The following COL28A1 variants were observed in gnomAD, a reference collection of about 807,000 sequenced individuals.
The protein encoded by COL28A1 is collagen type XXVIII alpha 1 chain, also known as collagen alpha-1(XXVIII) chain.
Under a neutral mutation model 150.2 loss-of-function variants are expected in COL28A1, and 161 were observed. The ratio of observed to expected loss-of-function variants is 1.07; its 90% CI spans 0.94 to 1.22. The LOEUF is 1.22. Among genes scored for constraint, COL28A1 ranks in the 50% most tolerant of loss-of-function variants. The pLI is 0.00. For synonymous variants in COL28A1, 552 were observed against 469.7 expected (o/e 1.18, Z -2.26); for missense variants, 1,617 against 1,388.3 (o/e 1.16, Z -2.62).
intron 4 of COL28A1, 32 bp downstream of exon 4, chr7:7,524,197 A>G: frequency 9.5e-7 from 1 of 1,056,570 alleles, no homozygotes; most frequent in Non-Finnish European, 1.5e-6. Flanking sequence ...TGTTTGGAGT[A>G]ATTCGTAGTA....
At chr7:7,362,484 T>G (rs1780720077) in intron 33 of COL28A1, among the ~76,000 whole-genome samples, 1 of 152,204 alleles carries the variant, frequency 6.6e-6, no homozygotes, top group Non-Finnish European at 1.5e-5. Flanking sequence ...GCTGTTCTAT[T>G]GCTTTTGATT....
chr7:7,373,004 G>T lies in COL28A1; in HGVS notation c.2902C>A (p.Leu968Met), dbSNP rs757791278. 1.2e-6 allele frequency: 2 copies of T among 1,612,512 alleles called. No homozygotes were observed. Among genetic ancestry groups the T allele is most frequent in the South Asian group, 2.2e-5 (2 of 90,806 alleles). The change falls in exon 32 of 35, where the codon CTG (leucine) becomes ATG (methionine). Residue 968 changes from leucine (L) to methionine (M), a missense_variant. Leu to Met is a conservative substitution (Grantham distance 15, BLOSUM62 2). Transcript: ENST00000399429. The surrounding 1 kb of genome is among the most constrained non-coding windows in gnomAD (Gnocchi z 4.1). ...GCCAGATAGCCTTCCTTACCTTGCA[G>T]GGTAAAGAAATCATCAAACTGGTAA... is the stretch of plus-strand genomic sequence containing the variant. ...HVYQFDDFFTLQDTLKQKLFQ... is the reference protein window; with the variant it reads ...HVYQFDDFFTMQDTLKQKLFQ...
At chr7:7,425,690 G>T (rs1784613402) in intron 25 of COL28A1, among the ~76,000 whole-genome samples, 1 of 152,136 alleles carries the variant, frequency 6.6e-6, no homozygotes, top group Non-Finnish European at 1.5e-5. Flanking sequence ...ATTTGAATTT[G>T]TTAGGATTCA....
At chr7:7,369,128 T>C (rs1296977309) in intron 33 of COL28A1, among the ~76,000 whole-genome samples, 2 of 152,202 alleles carry the variant, frequency 1.3e-5, no homozygotes, top group Non-Finnish European at 2.9e-5. Context: ...CTGAGCTTGC[T>C]CTTGTTTAGG....
At chr7:7,462,687 C>G (rs56084871) in intron 15 of COL28A1, among the ~76,000 whole-genome samples, 17,684 of 151,942 alleles carry the variant, frequency 0.12, 1,122 homozygotes, top group Middle Eastern at 0.21. Flanking sequence ...AGAGAAACCC[C>G]GTCTCTACTA....
At chr7:7,461,956 C>A (rs946705672) in intron 15 of COL28A1, among the ~76,000 whole-genome samples, 1 of 152,146 alleles carries the variant, frequency 6.6e-6, no homozygotes, top group East Asian at 1.9e-4. Context: ...CTGTACTAAC[C>A]AACCAAAGCT....
intron 4 of COL28A1, among the ~76,000 whole-genome samples, chr7:7,522,836 A>T (rs1006490245): frequency 3.5e-5 from 5 of 141,998 alleles, no homozygotes; most frequent in African/African-American, 1.1e-4. Context: ...AAAAAAAAAA[A>T]GGGCCGTGCA....
rs118022250 is a variant in COL28A1 at position 7,370,026 on chromosome 7, C to A, written c.3066+699G>T. Among the ~76,000 whole-genome samples, 580 of 152,224 alleles carry A rather than the reference C, an allele frequency of 3.8e-3. 2 individuals are homozygous for A. The highest frequency in any genetic ancestry group is 4.7e-3 in the Non-Finnish European group (318 of 68,024). On this transcript the variant is annotated intron_variant, in intron 33 of 34. Coordinates refer to ENST00000399429, the MANE Select transcript of COL28A1 (RefSeq NM_001037763.3). ...CATCGGTAACTAAAAAAGGCTCCCC[C>A]ATTTTCTCCTTAAAAAAACTAATAT...
At chr7:7,446,392 TA>T (rs1440739269) in intron 18 of COL28A1, among the ~76,000 whole-genome samples, 1 of 152,042 alleles carries the variant, frequency 6.6e-6, no homozygotes, top group Non-Finnish European at 1.5e-5. Context: ...ATAAATGCTG[TA>T]AAAAGAAATG....
At chr7:7,499,906 G>A (rs763791341) in intron 11 of COL28A1, among the ~76,000 whole-genome samples, 7 of 152,040 alleles carry the variant, frequency 4.6e-5, no homozygotes, top group Admixed American at 1.3e-4. Flanking sequence ...CTATTCTAAC[G>A]AAAATACTGG....
chr7:7,511,605 GA>G, intron 8 of COL28A1: 1 of 317,516 alleles, frequency 3.1e-6, no homozygotes, highest in Non-Finnish European at 6.5e-6. Flanking sequence ...CTTTAACTTG[GA>G]ATTCCTATTT....
rs951037887 is a variant in COL28A1, at chr7:7,465,297, C to T, written c.1303-9185G>A. On this transcript the variant is annotated intron_variant, in intron 15 of 34. Transcript: ENST00000399429. ...GGCGAGCATTGCCTCACCTGGGAAG[C>T]GCAAGGGGTCAGGGAGTTCCCTTTC... Among the ~76,000 whole-genome samples the T allele has an allele frequency of 7.6e-5, 11 of 145,344 alleles. No individual in the cohort carries two copies. In the East Asian group the frequency reaches 1.4e-3, roughly 19 times the overall value.
intron 21 of COL28A1, among the ~76,000 whole-genome samples, chr7:7,440,533 T>C (rs1404163860): frequency 6.6e-6 from 1 of 152,184 alleles, no homozygotes; most frequent in African/African-American, 2.4e-5. Flanking sequence ...GAATATTTGG[T>C]TGTTACTAGA....
chr7:7,391,801 CTTTTTT>C (rs33991942), intron 27 of COL28A1, among the ~76,000 whole-genome samples: 7 of 115,860 alleles, frequency 6.0e-5, no homozygotes, highest in Non-Finnish European at 1.1e-4. Context: ...GCAACCCCTG[CTTTTTT>C]TTTTTTTTTT....
In COL28A1 at chr7:7,508,188, C is replaced by T. The variant is rs186287495; in HGVS notation, c.928-1027G>A. Among the ~76,000 whole-genome samples, 43 of 151,128 alleles carry T rather than the reference C, an allele frequency of 2.8e-4. No homozygotes were observed. In the East Asian group the frequency reaches 7.0e-3, roughly 25 times the overall value. The stretch of plus-strand genomic sequence containing the variant: ...CGGAGCTTGCAGTGAGCTGAGATCG[C>T]GCCACTGCACTCCAGCCTGGGCAAC... On this transcript the variant is annotated intron_variant, in intron 9 of 34. Transcript: ENST00000399429.
chr7:7,422,055 G>C (rs888340178), intron 25 of COL28A1, among the ~76,000 whole-genome samples: 47 of 152,292 alleles, frequency 3.1e-4, no homozygotes, highest in African/African-American at 1.1e-3. Flanking sequence ...CAAAGGGAGA[G>C]TGTGTAAGTT....
chr7:7,453,592 A>G, intron 16 of COL28A1, 84 bp from the exon 17 acceptor site: 1 of 750,186 alleles, frequency 1.3e-6, no homozygotes. Flanking sequence ...TTCATACCCC[A>G]TAATAAGTTA....
rs200294353 is a variant in COL28A1, at chr7:7,522,806, C to CAAAAAAAAAAAAAAAAAAAAAAAAAAAAA, written c.703-874_703-846dup. On this transcript the variant is annotated intron_variant, in intron 4 of 34. Transcript: ENST00000399429. ...ACTAACACTAACGATAGCTGAAGAG[C>CAAAAAAAAAAAAAAAAAAAAAAAAAAAAA]AAAAAAAAAAAAAAAAAAAAAAAAA... Among the ~76,000 whole-genome samples the CAAAAAAAAAAAAAAAAAAAAAAAAAAAAA allele has an allele frequency of 4.9e-4, 46 of 93,160 alleles. 3 individuals carry two copies. The highest frequency in any genetic ancestry group is 9.2e-4 in the East Asian group (3 of 3,250). The allele number at this position is 93,160 out of a possible 152,430, so 61.1% of individuals were successfully genotyped here. A position where few individuals can be genotyped will look rare whatever the true frequency, so the allele number is the denominator to read the frequency against.
intron 27 of COL28A1, among the ~76,000 whole-genome samples, chr7:7,400,982 GT>G (rs1783156518): frequency 4.1e-5 from 5 of 120,602 alleles, no homozygotes; most frequent in Admixed American, 7.8e-5. Context: ...TTGGGTGTGT[GT>G]GTGTGTGTGT....
Sources: allele counts gnomAD v4.1 joint callset (sites outside exome capture counted in the v4.1 genomes callset), GRCh38; gene constraint gnomAD v4.1.1; non-coding constraint Gnocchi (gnomAD v3.1); transcripts MANE v1.5; gene names NCBI Gene and HGNC (gene_info 2026-07-23, HGNC 2026-07-21).